CDR2: variants seen among roughly 807,000 people sequenced by gnomAD.
The protein encoded by CDR2 is cerebellar degeneration related protein 2.
Under a neutral mutation model 48.4 loss-of-function variants are expected in CDR2, and 34 were observed. The observed-to-expected ratio is 0.70, with a 90% CI of 0.53 to 0.94. The LOEUF is 0.94. Ranked by LOEUF, CDR2 falls within the 40% of genes least tolerant of loss-of-function variation. The probability of loss-of-function intolerance (pLI) is 0.00; values close to 1 mark genes in which losing one functional copy is unlikely to be tolerated. For synonymous variants in CDR2, 240 were observed against 219.7 expected, an observed-to-expected ratio of 1.09 and a Z score of -0.82; for missense variants, 498 against 549.5, an observed-to-expected ratio of 0.91 and a Z score of 0.94.
intron 1 of CDR2, among the ~76,000 whole-genome samples, chr16:22,373,422 G>A (rs2049091901): frequency 6.6e-6 from 1 of 152,182 alleles, no homozygotes; most frequent in South Asian, 2.1e-4. Context: ...TGTAAACTAG[G>A]ATGGTAAGGA....
In CDR2 at chr16:22,347,488, A is replaced by C. The variant is rs375104415; in HGVS notation, c.842T>G (p.Val281Gly). 1.8e-5 allele frequency: 29 copies of C among 1,614,072 alleles called. No individual in the cohort carries two copies. The highest frequency in any genetic ancestry group is 2.5e-5 in the Non-Finnish European group (29 of 1,180,030). Residue 281 changes from valine to glycine, a missense_variant, in exon 5 of 5, where the codon GTT (valine) becomes GGT (glycine). Transcript: ENST00000268383. ...GCTCTGGCTGGGCTCTTTGAAAGGA[A>C]CATACAGAGAGTCTGGCACCAGCTT... The part of the protein sequence containing the change: ...VEKLVPDSLY[V>G]PFKEPSQSLL...
chr16:22,373,473 G>A (rs1295663348), intron 1 of CDR2, among the ~76,000 whole-genome samples: 2 of 152,196 alleles, frequency 1.3e-5, no homozygotes, highest in African/African-American at 2.4e-5. Flanking sequence ...CTTCTTCTGA[G>A]TGTGTGGGTT....
intron 1 of CDR2, among the ~76,000 whole-genome samples, 170 bp downstream of exon 1, chr16:22,374,061 C>A (rs570752329): frequency 6.6e-6 from 1 of 152,352 alleles, no homozygotes; most frequent in African/African-American, 2.4e-5. Context: ...CGTGCCGAGG[C>A]TTCCTGCGGG....
chr16:22,350,706 C>A (rs1215474147), intron 2 of CDR2, among the ~76,000 whole-genome samples: 2 of 152,100 alleles, frequency 1.3e-5, no homozygotes, highest in Non-Finnish European at 2.9e-5. Context: ...CACCAATACC[C>A]CAGTGCATTG....
chr16:22,367,465 G>A (rs2049051011), intron 1 of CDR2, among the ~76,000 whole-genome samples: 1 of 152,100 alleles, frequency 6.6e-6, no homozygotes, highest in Non-Finnish European at 1.5e-5. Context: ...GAAGCATGAG[G>A]GATCAGATCA....
intron 2 of CDR2, among the ~76,000 whole-genome samples, chr16:22,362,684 A>C (rs1416144088): frequency 6.6e-6 from 1 of 152,226 alleles, no homozygotes; most frequent in Non-Finnish European, 1.5e-5. Flanking sequence ...CCACTGAGTT[A>C]AAAAACAAAG....
intron 1 of CDR2, among the ~76,000 whole-genome samples, chr16:22,373,814 G>A (rs763861782): frequency 6.6e-6 from 1 of 152,216 alleles, no homozygotes; most frequent in African/African-American, 2.4e-5. Flanking sequence ...TGCAGCAGCC[G>A]GCCCTCCACG....
intron 2 of CDR2, among the ~76,000 whole-genome samples, chr16:22,362,063 G>A (rs775999866): frequency 5.3e-5 from 8 of 151,824 alleles, no homozygotes; most frequent in Non-Finnish European, 1.2e-4. Context: ...CACCACGCCC[G>A]GCTAATTTTT....
chr16:22,355,925 G>T (rs1157221177), intron 2 of CDR2, among the ~76,000 whole-genome samples: 1 of 152,082 alleles, frequency 6.6e-6, no homozygotes, highest in African/African-American at 2.4e-5. Context: ...TACTATGTTT[G>T]TCGTAATTTT....
At chr16:22,364,846 C>T in intron 2 of CDR2, 56 bp downstream of exon 2, 1 of 995,722 alleles carries the variant, frequency 1.0e-6, no homozygotes, top group Admixed American at 1.8e-5. Flanking sequence ...ATGTGATTGG[C>T]ATAACAGCAA....
chr16:22,355,770 C>T (rs1393856395), intron 2 of CDR2, among the ~76,000 whole-genome samples: 2 of 152,148 alleles, frequency 1.3e-5, no homozygotes, highest in Admixed American at 1.3e-4. Flanking sequence ...TTGAAACCAC[C>T]CATTTTTTGT....
intron 3 of CDR2, 115 bp from the exon 4 acceptor site, chr16:22,349,558 G>A: frequency 7.1e-7 from 1 of 1,405,488 alleles, no homozygotes; most frequent in South Asian, 1.3e-5. Context: ...TGGAAAGGAT[G>A]TCTATTTAAT....
At position 22,353,384 on chromosome 16, in the gene CDR2, T is replaced by C. The variant is rs72768941; in HGVS notation, c.193-3535A>G. On this transcript the variant is annotated intron_variant, in intron 2 of 4. Transcript: ENST00000268383. ...TGGTTTGAGGTCTTGCTTTGCTGTT[T>C]AGAACTGGGTAACCTACAGCAAGCA... 7.1e-3 allele frequency among the ~76,000 whole-genome samples: 1,088 copies of C among 152,300 alleles called. 10 individuals are homozygous for C. Among genetic ancestry groups the C allele is most frequent in the Middle Eastern group, 0.014 (4 of 294 alleles).
rs1443319731 is a variant in CDR2, at chr16:22,347,124, G to A, written c.1206C>T (p.Gly402=). 6.2e-7 allele frequency: 1 copy of A among 1,614,270 alleles called. No individual in the cohort carries two copies. Among genetic ancestry groups the A allele is most frequent in the Admixed American group, 1.7e-5 (1 of 60,030 alleles). ...CTGGGTTGACAGAGGCCAGTTCCCAGCCGCTGGCAACAGGCTCAGACTGGG... is the reference window on the plus strand; with the variant it reads ...CTGGGTTGACAGAGGCCAGTTCCCAACCGCTGGCAACAGGCTCAGACTGGG... ...VNAQSEPVAS[G]WELASVNPEP... The change falls in exon 5 of 5, where the codon GGC becomes GGT. Residue 402 remains glycine (G), a synonymous_variant. Transcript: ENST00000268383.
chr16:22,366,511 T>C (rs2049045632), intron 1 of CDR2, among the ~76,000 whole-genome samples: 1 of 152,044 alleles, frequency 6.6e-6, no homozygotes, highest in Admixed American at 6.6e-5. Context: ...AGGAACAGAA[T>C]AAGTGACCCA....
intron 3 of CDR2, 38 bp from the exon 4 acceptor site, chr16:22,349,481 A>C (rs1187713521): frequency 6.2e-7 from 1 of 1,611,538 alleles, no homozygotes; most frequent in East Asian, 2.2e-5. Flanking sequence ...TGCTTGTCAT[A>C]TTGAATCAAG....
intron 2 of CDR2, among the ~76,000 whole-genome samples, chr16:22,361,022 T>C (rs1233510845): frequency 2.0e-5 from 3 of 152,176 alleles, no homozygotes; most frequent in African/African-American, 7.2e-5. Flanking sequence ...GTGCTAGGAT[T>C]ACAGGCGTGA....
rs538110426 is a variant in CDR2 at position 22,351,832 on chromosome 16, C to T, written c.193-1983G>A. Among the ~76,000 whole-genome samples, 8 of 152,294 alleles carry T rather than the reference C, an allele frequency of 5.3e-5. No homozygotes were observed. In the East Asian group the frequency reaches 9.6e-4, roughly 18 times the overall value. ...TCAGCTCTACCTGAAGACACTAAAA[C>T]ACAGTATATATTCCAAAGGAAAAAG... On this transcript the variant is annotated intron_variant, in intron 2 of 4. Coordinates refer to ENST00000268383, the MANE Select transcript of CDR2 (RefSeq NM_001802.2).
intron 2 of CDR2, among the ~76,000 whole-genome samples, chr16:22,364,667 A>C (rs1326865526): frequency 6.6e-6 from 1 of 152,166 alleles, no homozygotes; most frequent in Non-Finnish European, 1.5e-5. Flanking sequence ...GTTCGAGACC[A>C]GCCTGGCTAA....
Sources: allele counts gnomAD v4.1 joint callset (sites outside exome capture counted in the v4.1 genomes callset), GRCh38; gene constraint gnomAD v4.1.1; transcripts MANE v1.5; gene names NCBI Gene and HGNC (gene_info 2026-07-23, HGNC 2026-07-21).